Variants in ANKS1B observed in about 807,000 individuals in gnomAD.
ANKS1B encodes the protein ankyrin repeat and sterile alpha motif domain-containing protein 1B.
In ANKS1B, 36 loss-of-function variants were observed where a neutral mutation model predicts 148.3. The ratio of observed to expected loss-of-function variants is 0.24; its 90% confidence interval spans 0.19 to 0.32. The LOEUF is 0.32. Ranked by LOEUF, ANKS1B falls within the 10% of genes least tolerant of loss-of-function variation. ANKS1B has a pLI of 1.00. For synonymous variants in ANKS1B, 542 were observed against 560.8 expected, an observed-to-expected ratio of 0.97 and a Z score of 0.47; for missense variants, 1,157 against 1,542.6, an observed-to-expected ratio of 0.75 and a Z score of 4.19.
intron 12 of ANKS1B, among the ~76,000 whole-genome samples, chr12:99,383,542 A>C (rs1198628793): frequency 6.6e-6 from 1 of 152,208 alleles, no homozygotes; most frequent in Non-Finnish European, 1.5e-5. Flanking sequence ...CACTGTTTGG[A>C]ATAGTCTTCC....
intron 10 of ANKS1B, among the ~76,000 whole-genome samples, chr12:99,463,169 A>T (rs148364568): frequency 6.6e-6 from 1 of 152,386 alleles, no homozygotes; most frequent in African/African-American, 2.4e-5. Flanking sequence ...GAAAAGTACA[A>T]ATAAATGTAT....
intron 10 of ANKS1B, among the ~76,000 whole-genome samples, chr12:99,453,013 G>A (rs536511078): frequency 2.0e-5 from 3 of 152,244 alleles, no homozygotes; most frequent in East Asian, 3.9e-4. Flanking sequence ...AGATGAGGCC[G>A]GGCACAGTGG....
intron 17 of ANKS1B, among the ~76,000 whole-genome samples, chr12:98,904,494 G>A (rs1250825763): frequency 2.0e-5 from 3 of 152,224 alleles, no homozygotes; most frequent in African/African-American, 4.8e-5. Flanking sequence ...AATTGGATGT[G>A]CATCAAAAGC....
At chr12:99,111,799 T>C (rs79075977) in intron 15 of ANKS1B, among the ~76,000 whole-genome samples, 3,977 of 152,152 alleles carry the variant, frequency 0.026, 84 homozygotes, top group Non-Finnish European at 0.039. Context: ...CTGCTATGGT[T>C]ACCATGGCAA....
intron 22 of ANKS1B, among the ~76,000 whole-genome samples, chr12:98,787,231 CA>C (rs1243554380): frequency 6.6e-6 from 1 of 152,168 alleles, no homozygotes; most frequent in African/African-American, 2.4e-5. Context: ...GAACACCAAT[CA>C]GCAATTTGAA....
intron 17 of ANKS1B, among the ~76,000 whole-genome samples, chr12:99,034,244 G>A (rs1289056806): frequency 6.6e-6 from 1 of 152,202 alleles, no homozygotes; most frequent in East Asian, 1.9e-4. Flanking sequence ...AGAGCGGCAG[G>A]GCAGAGAGCA....
Position 99,470,535 on chromosome 12 carries a change from C to T in ANKS1B, c.1439-26726G>A, listed in dbSNP as rs1330452918. Among the ~76,000 whole-genome samples, 5 of 152,084 alleles carry T rather than the reference C, an allele frequency of 3.3e-5. No homozygotes were observed. The East Asian group carries it at 9.6e-4, about 29-fold the overall frequency. On this transcript the variant is annotated intron_variant, in intron 10 of 26. Transcript: ENST00000683438. The stretch of plus-strand genomic sequence containing the variant: ...GTTTCTTCATTAGTAGGCAAAACTC[C>T]TACTTAGGAAAGCTATCAATTCCTC...
intron 17 of ANKS1B, among the ~76,000 whole-genome samples, chr12:99,022,214 A>G (rs974312560): frequency 1.3e-5 from 2 of 152,112 alleles, no homozygotes; most frequent in Admixed American, 6.5e-5. Context: ...ATATTGCTAT[A>G]CCTATTCCAT....
intron 17 of ANKS1B, among the ~76,000 whole-genome samples, chr12:98,858,702 G>C (rs1415076762): frequency 6.6e-6 from 1 of 152,108 alleles, no homozygotes; most frequent in African/African-American, 2.4e-5. Context: ...GCTGGGGTTA[G>C]AGTATATGTT....
chr12:99,809,208 C>A (rs531890852), intron 3 of ANKS1B, among the ~76,000 whole-genome samples: 3 of 152,000 alleles, frequency 2.0e-5, no homozygotes, highest in African/African-American at 7.2e-5. Flanking sequence ...AACATTAGGA[C>A]CCTTCCAGAT....
chr12:99,297,516 G>T (rs183463653), intron 12 of ANKS1B, among the ~76,000 whole-genome samples: 39 of 152,312 alleles, frequency 2.6e-4, no homozygotes, highest in Admixed American at 1.2e-3. Flanking sequence ...TAGGAACTGT[G>T]CTAGGCAATG....
intron 19 of ANKS1B, among the ~76,000 whole-genome samples, chr12:98,826,274 C>CTG (rs2099247985): frequency 6.6e-6 from 1 of 152,146 alleles, no homozygotes; most frequent in African/African-American, 2.4e-5. Flanking sequence ...TGCAAATCCC[C>CTG]TGTATCCCAA....
intron 12 of ANKS1B, among the ~76,000 whole-genome samples, chr12:99,264,543 T>C (rs2076249640): frequency 6.6e-6 from 1 of 152,144 alleles, no homozygotes; most frequent in Non-Finnish European, 1.5e-5. Context: ...GCAGCGTTAG[T>C]CTACTGAATA....
rs10527065 is a variant in ANKS1B at position 99,267,561 on chromosome 12, A to ACATT, written c.1757-20701_1757-20698dup. Among the ~76,000 whole-genome samples the ACATT allele has an allele frequency of 2.2e-4, 33 of 151,620 alleles. 2 individuals are homozygous for ACATT. The East Asian group carries it at 2.5e-3, about 12-fold the overall frequency. Reference sequence around the variant, plus strand: ...AAGAAAATAAAGATTATTTGGCTGTACATTCATTCATTCATTCATTCATTT... The same window carrying ACATT: ...AAGAAAATAAAGATTATTTGGCTGTACATTCATTCATTCATTCATTCATTCATTT... On this transcript the variant is annotated intron_variant, in intron 12 of 26. Transcript: ENST00000683438.
chr12:99,724,665 G>A (rs2058441430), intron 8 of ANKS1B, among the ~76,000 whole-genome samples: 1 of 152,064 alleles, frequency 6.6e-6, no homozygotes, highest in Non-Finnish European at 1.5e-5. Context: ...ACACCACTAA[G>A]ATACTCCATG....
intron 10 of ANKS1B, among the ~76,000 whole-genome samples, chr12:99,467,211 C>T (rs1162062746): frequency 2.0e-5 from 3 of 152,128 alleles, no homozygotes; most frequent in African/African-American, 7.2e-5. Flanking sequence ...TCAATAGATG[C>T]AGAAAAGGCC....
intron 9 of ANKS1B, among the ~76,000 whole-genome samples, chr12:99,581,531 AT>A (rs1302038804): frequency 3.9e-5 from 6 of 152,248 alleles, no homozygotes; most frequent in Admixed American, 6.5e-5. Context: ...AAATCATAAA[AT>A]AAAAGACTGA....
At chr12:99,551,428 T>C (rs1006906053) in intron 9 of ANKS1B, among the ~76,000 whole-genome samples, 1 of 151,814 alleles carries the variant, frequency 6.6e-6, no homozygotes, top group Non-Finnish European at 1.5e-5. Flanking sequence ...TATGGAACTA[T>C]GATCTCCACT....
chr12:98,798,910 A>C (rs1381138115), intron 22 of ANKS1B, 24 bp downstream of exon 22: 2 of 1,599,634 alleles, frequency 1.3e-6, no homozygotes, highest in Non-Finnish European at 1.7e-6. Flanking sequence ...AGCTACTAGA[A>C]ATAAAGTAGT....
Sources: allele counts gnomAD v4.1 joint callset (sites outside exome capture counted in the v4.1 genomes callset), GRCh38; gene constraint gnomAD v4.1.1; transcripts MANE v1.5; gene names NCBI Gene and HGNC (gene_info 2026-07-23, HGNC 2026-07-21).